The following ANKFN1 variants were observed in gnomAD, a reference collection of about 807,000 sequenced individuals.
ANKFN1 encodes the protein ankyrin repeat and fibronectin type-III domain-containing protein 1.
A neutral mutation model predicts 108.7 loss-of-function variants in ANKFN1; 74 were observed. The observed-to-expected ratio is 0.68, with a 90% CI of 0.56 to 0.83. The LOEUF (loss-of-function observed/expected upper bound fraction) is 0.83. ANKFN1 is among the 40% of genes least tolerant of loss of function. The probability of loss-of-function intolerance (pLI) is 0.00; values close to 1 mark genes in which losing one functional copy is unlikely to be tolerated. For missense variants in ANKFN1, 1,505 were observed against 1,382.3 expected (o/e 1.09, Z -1.41); for synonymous variants, 547 against 516.2 (o/e 1.06, Z -0.81).
At chr17:56,067,917 A>G (rs1010531263) in intron 4 of ANKFN1, among the ~76,000 whole-genome samples, 3 of 152,184 alleles carry the variant, frequency 2.0e-5, no homozygotes, top group Non-Finnish European at 4.4e-5. Context: ...GAATGTCATC[A>G]GTGTCTTTGG....
At chr17:56,287,552 C>T (rs1347117988) in intron 3 of ANKFN1, among the ~76,000 whole-genome samples, 1 of 152,160 alleles carries the variant, frequency 6.6e-6, no homozygotes, top group Non-Finnish European at 1.5e-5. Flanking sequence ...AGCTGATACA[C>T]TACATTTAGA....
rs967675128 is a variant in ANKFN1, at chr17:56,473,862, T to C, written c.1774-3626T>C. Among the ~76,000 whole-genome samples the C allele has an allele frequency of 1.1e-4, 17 of 152,236 alleles. 1 individual carries two copies. The highest frequency in any genetic ancestry group is 9.2e-4 in the Admixed American group (14 of 15,290). On this transcript the variant is annotated intron_variant, in intron 15 of 20. Transcript: ENST00000682825. ...AGTGAGTTACTCCATCCCAGAATGC[T>C]GTTGGTTTTTATATAATCACAGTGT...
intron 3 of ANKFN1, among the ~76,000 whole-genome samples, chr17:56,274,439 C>T (rs2043867751): frequency 6.6e-6 from 1 of 152,150 alleles, no homozygotes; most frequent in Non-Finnish European, 1.5e-5. Context: ...CGCCACTACA[C>T]TCCAGCCTGG....
chr17:56,477,925 T>C (rs977190241), intron 16 of ANKFN1, among the ~76,000 whole-genome samples: 3 of 152,156 alleles, frequency 2.0e-5, no homozygotes, highest in Non-Finnish European at 4.4e-5. Context: ...CTTCCCAGAT[T>C]CAAATGATTC....
At chr17:56,477,345 G>GGTAT in intron 15 of ANKFN1, 143 bp from the exon 16 acceptor site, 1 of 718,564 alleles carries the variant, frequency 1.4e-6, no homozygotes, top group Non-Finnish European at 2.1e-6. Context: ...CAGCATTCAT[G>GGTAT]GTATACCTGA....
At chr17:56,454,767 G>A (rs562405570) in intron 11 of ANKFN1, among the ~76,000 whole-genome samples, 5 of 152,302 alleles carry the variant, frequency 3.3e-5, no homozygotes, top group South Asian at 4.1e-4. Flanking sequence ...GAAATATTAT[G>A]TATAAAAGCT....
intron 4 of ANKFN1, among the ~76,000 whole-genome samples, chr17:56,113,593 A>G (rs1906095597): frequency 1.3e-5 from 2 of 152,156 alleles, no homozygotes; most frequent in Admixed American, 6.6e-5. Flanking sequence ...CAACATTCTC[A>G]TCCGTAAAAT....
At chr17:56,314,508 T>C (rs1250198578) in intron 3 of ANKFN1, among the ~76,000 whole-genome samples, 3 of 152,210 alleles carry the variant, frequency 2.0e-5, no homozygotes, top group Non-Finnish European at 2.9e-5. Context: ...ACTAATCATA[T>C]TGAGCACCTT....
chr17:56,507,226 A>C (rs2051599280), intron 20 of ANKFN1, among the ~76,000 whole-genome samples: 1 of 152,226 alleles, frequency 6.6e-6, no homozygotes, highest in Admixed American at 6.5e-5. Context: ...AAATCCTATT[A>C]CTTGCAGTGT....
intron 3 of ANKFN1, among the ~76,000 whole-genome samples, chr17:56,296,736 C>T (rs963047553): frequency 2.0e-5 from 3 of 152,088 alleles, no homozygotes; most frequent in Admixed American, 6.5e-5. Flanking sequence ...GGCTGTGAAG[C>T]GCATGAGCTT....
At chr17:56,164,057 G>C (rs1909927508) in intron 1 of ANKFN1, among the ~76,000 whole-genome samples, 1 of 152,166 alleles carries the variant, frequency 6.6e-6, no homozygotes, top group Non-Finnish European at 1.5e-5. Context: ...GAGTCAAACA[G>C]TAAAAATGTG....
At chr17:56,153,607 G>A in intron 1 of ANKFN1, 77 bp downstream of exon 1, 1 of 1,568,808 alleles carries the variant, frequency 6.4e-7, no homozygotes, top group Non-Finnish European at 8.8e-7. Flanking sequence ...GCAGGAAAAT[G>A]TGAGTTGAGT....
intron 3 of ANKFN1, among the ~76,000 whole-genome samples, chr17:56,305,226 C>T (rs2044786079): frequency 6.6e-6 from 1 of 152,134 alleles, no homozygotes. Flanking sequence ...TGAGGGTAAC[C>T]ACCCCCATGA....
intron 1 of ANKFN1, among the ~76,000 whole-genome samples, chr17:56,169,595 T>C (rs888105910): frequency 1.3e-5 from 2 of 152,042 alleles, no homozygotes; most frequent in Admixed American, 6.6e-5. Context: ...AAGTAGTACA[T>C]CCACCAAGTG....
intron 8 of ANKFN1, among the ~76,000 whole-genome samples, chr17:56,418,799 T>TAA (rs34391024): frequency 2.3e-4 from 32 of 138,860 alleles, no homozygotes; most frequent in African/African-American, 8.3e-4. Flanking sequence ...CTTTCTAAGT[T>TAA]AAAAAAAAAA....
chr17:56,351,069 C>G lies in ANKFN1; in HGVS notation c.390+102C>G. 3 of 1,213,562 alleles carry G rather than the reference C, an allele frequency of 2.5e-6. No individual in the cohort carries two copies. In the South Asian group the frequency reaches 4.3e-5, roughly 18 times the overall value. 75.2% of individuals were successfully genotyped at this position (1,213,562 alleles called of 1,614,324 possible). A position where few individuals can be genotyped will look rare whatever the true frequency, so the allele number is the denominator to read the frequency against. ...TTCATGTTTACTTCAGAAGTTGATG[C>G]TTGCAATTTTATAAATGCTGGAATA... On this transcript the variant is annotated intron_variant, in intron 5 of 20. Coordinates refer to ENST00000682825, the MANE Select transcript of ANKFN1 (RefSeq NM_001370326.1).
At chr17:56,146,315 C>A (rs1031880540) in intron 4 of ANKFN1, among the ~76,000 whole-genome samples, 5 of 152,292 alleles carry the variant, frequency 3.3e-5, no homozygotes, top group South Asian at 4.1e-4. Flanking sequence ...GTGGATCTAC[C>A]ATTCTGGGGT....
chr17:56,187,007 T>C (rs1463532516), intron 1 of ANKFN1, among the ~76,000 whole-genome samples: 2 of 152,160 alleles, frequency 1.3e-5, no homozygotes, highest in South Asian at 2.1e-4. Context: ...GGCAGTACCA[T>C]TCAGGACATA....
At chr17:56,490,965 G>A (rs1263076363) in intron 18 of ANKFN1, among the ~76,000 whole-genome samples, 1 of 152,160 alleles carries the variant, frequency 6.6e-6, no homozygotes, top group Admixed American at 6.5e-5. Context: ...GTAGCCAGTG[G>A]TAACATGGGA....
Sources: allele counts gnomAD v4.1 joint callset (sites outside exome capture counted in the v4.1 genomes callset), GRCh38; gene constraint gnomAD v4.1.1; transcripts MANE v1.5; gene names NCBI Gene and HGNC (gene_info 2026-07-23, HGNC 2026-07-21).